The following ATP8A2 variants were observed in gnomAD, a reference collection of about 807,000 sequenced individuals.
ATP8A2 encodes phospholipid-transporting ATPase IB.
Under a neutral mutation model 165.6 loss-of-function variants are expected in ATP8A2, and 100 were observed. The observed-to-expected ratio is 0.60, with a 90% CI of 0.51 to 0.71. The LOEUF (loss-of-function observed/expected upper bound fraction) is 0.71, where lower values mean the gene tolerates loss of function less well. ATP8A2 is among the 30% of genes least tolerant of loss of function. The probability of loss-of-function intolerance (pLI) is 0.00; values close to 1 mark genes in which losing one functional copy is unlikely to be tolerated. For missense variants in ATP8A2, 1,227 were observed against 1,479.5 expected (o/e 0.83, Z 2.80); for synonymous variants, 543 against 548.8 (o/e 0.99, Z 0.15).
At chr13:25,890,610 T>C (rs762121581) in intron 33 of ATP8A2, among the ~76,000 whole-genome samples, 3 of 152,216 alleles carry the variant, frequency 2.0e-5, no homozygotes, top group Non-Finnish European at 4.4e-5. Context: ...ACTGGGGTTT[T>C]AGATGACATT....
intron 24 of ATP8A2, among the ~76,000 whole-genome samples, chr13:25,654,486 C>T (rs1401978224): frequency 6.6e-6 from 1 of 152,186 alleles, no homozygotes. Flanking sequence ...GGATTACAGG[C>T]GTGAGCCACT....
chr13:25,533,324 A>G lies in ATP8A2; in HGVS notation c.507+11A>G. 6.9e-7 allele frequency: 1 copy of G among 1,441,454 alleles called. No homozygotes were observed. The highest frequency in any genetic ancestry group is 9.7e-7 in the Non-Finnish European group (1 of 1,027,664). The allele number at this position is 1,441,454 out of a possible 1,614,324, so 89.3% of individuals were successfully genotyped here. ...ATTATGTGGAAAGAGGTAAAAACTA[A>G]TTTTAAAGATGTACCAGTACTATTG... On this transcript the variant is annotated intron_variant, in intron 6 of 36. Transcript: ENST00000381655.
At chr13:25,890,206 A>C (rs933411912) in intron 33 of ATP8A2, among the ~76,000 whole-genome samples, 2 of 152,134 alleles carry the variant, frequency 1.3e-5, no homozygotes, top group African/African-American at 4.8e-5. Flanking sequence ...TCTGGGTTAC[A>C]TTATATATAC....
intron 27 of ATP8A2, among the ~76,000 whole-genome samples, chr13:25,808,755 C>G (rs1950797816): frequency 6.6e-6 from 1 of 152,046 alleles, no homozygotes; most frequent in South Asian, 2.1e-4. Flanking sequence ...CTTTTTATAC[C>G]TGAAATACCT....
intron 24 of ATP8A2, among the ~76,000 whole-genome samples, chr13:25,669,989 A>G (rs1183011213): frequency 6.6e-6 from 1 of 152,194 alleles, no homozygotes; most frequent in South Asian, 2.1e-4. Flanking sequence ...GCAGGCCACC[A>G]TCCCCATGGC....
intron 24 of ATP8A2, among the ~76,000 whole-genome samples, chr13:25,685,727 A>G (rs1354423745): frequency 1.3e-5 from 2 of 152,180 alleles, no homozygotes; most frequent in Non-Finnish European, 2.9e-5. Flanking sequence ...AGAGGAGGTC[A>G]GAGGGGTGCT....
At chr13:25,848,414 C>A (rs1219247248) in intron 30 of ATP8A2, among the ~76,000 whole-genome samples, 2 of 152,204 alleles carry the variant, frequency 1.3e-5, no homozygotes, top group African/African-American at 4.8e-5. Flanking sequence ...CAGGGCCTAG[C>A]ACGGCATGGG....
At chr13:25,832,234 G>A (rs1951497588) in intron 28 of ATP8A2, among the ~76,000 whole-genome samples, 1 of 152,074 alleles carries the variant, frequency 6.6e-6, no homozygotes, top group African/African-American at 2.4e-5. Context: ...CACTGTGCCT[G>A]GCTCATTTTG....
chr13:26,009,291 C>G (rs752195790), intron 35 of ATP8A2, among the ~76,000 whole-genome samples: 1 of 152,134 alleles, frequency 6.6e-6, no homozygotes, highest in African/African-American at 2.4e-5. Context: ...CTTCATAAAG[C>G]CTGGTGCGCT....
chr13:25,824,066 G>A (rs1157107871), intron 27 of ATP8A2, among the ~76,000 whole-genome samples: 2 of 152,060 alleles, frequency 1.3e-5, no homozygotes, highest in African/African-American at 2.4e-5. Flanking sequence ...CACCTCCCAG[G>A]TTCAAGTGAT....
intron 35 of ATP8A2, among the ~76,000 whole-genome samples, chr13:26,003,251 T>G (rs1956672078): frequency 6.6e-6 from 1 of 152,072 alleles, no homozygotes; most frequent in Non-Finnish European, 1.5e-5. Flanking sequence ...AATATCTCAT[T>G]GTGATTTTAA....
intron 1 of ATP8A2, among the ~76,000 whole-genome samples, chr13:25,458,168 G>A (rs1234886115): frequency 6.6e-6 from 1 of 152,188 alleles, no homozygotes; most frequent in South Asian, 2.1e-4. Context: ...ATCAAGACGT[G>A]TTCATCGTAT....
At chr13:25,758,650 C>T (rs924657639) in intron 25 of ATP8A2, among the ~76,000 whole-genome samples, 8 of 152,202 alleles carry the variant, frequency 5.3e-5, no homozygotes, top group Non-Finnish European at 7.3e-5. Flanking sequence ...ATTCATCCAC[C>T]TGCCACCACC....
chr13:25,924,026 A>C (rs1371124250), intron 33 of ATP8A2, among the ~76,000 whole-genome samples: 2 of 152,210 alleles, frequency 1.3e-5, no homozygotes, highest in East Asian at 3.9e-4. Context: ...GGAAACCAGT[A>C]CTAGCCAGGA....
At chr13:25,688,072 C>G (rs2042640795) in intron 24 of ATP8A2, among the ~76,000 whole-genome samples, 1 of 152,046 alleles carries the variant, frequency 6.6e-6, no homozygotes, top group Admixed American at 6.5e-5. Context: ...ACTCACTGCC[C>G]CAACAGCCAG....
At chr13:25,506,507 G>T (rs2037041329) in intron 2 of ATP8A2, among the ~76,000 whole-genome samples, 1 of 152,204 alleles carries the variant, frequency 6.6e-6, no homozygotes, top group Non-Finnish European at 1.5e-5. Flanking sequence ...TTGCCCACCA[G>T]TTTTGTTCCA....
intron 24 of ATP8A2, among the ~76,000 whole-genome samples, chr13:25,694,988 T>C (rs370759905): frequency 2.6e-5 from 4 of 152,228 alleles, no homozygotes; most frequent in Admixed American, 1.3e-4. Context: ...TTCTTTGTTT[T>C]TAATAAAAGT....
intron 24 of ATP8A2, among the ~76,000 whole-genome samples, chr13:25,683,690 CT>C (rs574979200): frequency 3.1e-3 from 448 of 142,400 alleles, no homozygotes; most frequent in Admixed American, 3.3e-3. Flanking sequence ...CCATCATTTC[CT>C]TTTTTTTTTT....
chr13:25,715,727 A>C (rs535222283), intron 25 of ATP8A2, among the ~76,000 whole-genome samples: 1 of 152,300 alleles, frequency 6.6e-6, no homozygotes, highest in East Asian at 1.9e-4. Flanking sequence ...GGTTGTTTTT[A>C]CTTCTTGGCT....
Sources: allele counts gnomAD v4.1 joint callset (sites outside exome capture counted in the v4.1 genomes callset), GRCh38; gene constraint gnomAD v4.1.1; transcripts MANE v1.5; gene names NCBI Gene and HGNC (gene_info 2026-07-23, HGNC 2026-07-21).